Variants in ATP8A1 observed in about 807,000 individuals in gnomAD.
The protein encoded by ATP8A1 is ATPase phospholipid transporting 8A1.
Under a neutral mutation model 177.7 loss-of-function variants are expected in ATP8A1, and 90 were observed. That is an observed-to-expected ratio of 0.51 (90% CI 0.43 to 0.60). The LOEUF (loss-of-function observed/expected upper bound fraction) is 0.60, where lower values mean the gene tolerates loss of function less well. Among genes scored for constraint, ATP8A1 ranks in the 20% least tolerant of loss-of-function variants. The probability of loss-of-function intolerance (pLI) is 0.00; values close to 1 mark genes in which losing one functional copy is unlikely to be tolerated. For synonymous variants in ATP8A1, 493 were observed against 485.9 expected (o/e 1.01, Z -0.19); for missense variants, 1,072 against 1,392.8 (o/e 0.77, Z 3.67).
intron 16 of ATP8A1, among the ~76,000 whole-genome samples, chr4:42,553,790 A>G (rs1461040032): frequency 6.6e-6 from 1 of 152,204 alleles, no homozygotes; most frequent in African/African-American, 2.4e-5. Flanking sequence ...TTGTTTACTT[A>G]TAGCAAGACA....
At chr4:42,504,455 G>A (rs888101576) in intron 23 of ATP8A1, among the ~76,000 whole-genome samples, 4 of 152,190 alleles carry the variant, frequency 2.6e-5, no homozygotes, top group African/African-American at 7.2e-5. Flanking sequence ...CAAAAACCTC[G>A]AAGTTACCTG....
chr4:42,493,132 A>G (rs963082364), intron 24 of ATP8A1, among the ~76,000 whole-genome samples: 11 of 152,188 alleles, frequency 7.2e-5, no homozygotes, highest in African/African-American at 2.7e-4. Flanking sequence ...GAGATGTGAG[A>G]AAGTCCAGGC....
At chr4:42,435,849 A>G (rs1715934446) in intron 33 of ATP8A1, among the ~76,000 whole-genome samples, 1 of 152,050 alleles carries the variant, frequency 6.6e-6, no homozygotes, top group Non-Finnish European at 1.5e-5. Flanking sequence ...ACCCATTATA[A>G]TCCTGTCCCC....
intron 1 of ATP8A1, among the ~76,000 whole-genome samples, chr4:42,647,706 T>C (rs1740681057): frequency 6.6e-6 from 1 of 152,060 alleles, no homozygotes; most frequent in South Asian, 2.1e-4. Flanking sequence ...TAAATGCTGA[T>C]TTGTAAGTAG....
chr4:42,463,848 A>G (rs765618743), intron 27 of ATP8A1, among the ~76,000 whole-genome samples: 2 of 152,230 alleles, frequency 1.3e-5, no homozygotes, highest in Non-Finnish European at 2.9e-5. Context: ...ACAAAAACAG[A>G]TCTGGATAGA....
chr4:42,564,155 T>A (rs1368543959), intron 15 of ATP8A1, among the ~76,000 whole-genome samples: 2 of 152,120 alleles, frequency 1.3e-5, no homozygotes, highest in Non-Finnish European at 2.9e-5. Context: ...AGAAGATGTA[T>A]GAAAATGCCT....
intron 20 of ATP8A1, among the ~76,000 whole-genome samples, chr4:42,539,973 T>C (rs956423667): frequency 2.0e-5 from 3 of 151,946 alleles, no homozygotes; most frequent in African/African-American, 7.3e-5. Flanking sequence ...CTAAAAAGCA[T>C]AGCAAAAGAA....
chr4:42,590,528 T>G (rs78710068), intron 7 of ATP8A1, among the ~76,000 whole-genome samples: 1,561 of 152,260 alleles, frequency 0.01, 28 homozygotes, highest in African/African-American at 0.034. Flanking sequence ...GAATATATAT[T>G]AATGGTGCAC....
chr4:42,545,105 A>G (rs1367605637), intron 19 of ATP8A1, among the ~76,000 whole-genome samples: 2 of 151,026 alleles, frequency 1.3e-5, no homozygotes, highest in Non-Finnish European at 2.9e-5. Context: ...GGTTGCAGTG[A>G]ACCGAGATTG....
At chr4:42,561,024 T>C (rs1730764048) in intron 15 of ATP8A1, among the ~76,000 whole-genome samples, 1 of 152,158 alleles carries the variant, frequency 6.6e-6, no homozygotes, top group Non-Finnish European at 1.5e-5. Context: ...ATTAAGATCA[T>C]TTTTCTCATA....
intron 1 of ATP8A1, among the ~76,000 whole-genome samples, chr4:42,644,510 A>G (rs1193026538): frequency 6.6e-6 from 1 of 152,248 alleles, no homozygotes; most frequent in African/African-American, 2.4e-5. Flanking sequence ...TTATCACCTA[A>G]TAAAAGGAAA....
At chr4:42,649,666 T>C (rs546323958) in intron 1 of ATP8A1, among the ~76,000 whole-genome samples, 78 of 152,252 alleles carry the variant, frequency 5.1e-4, no homozygotes, top group Non-Finnish European at 8.4e-4. Flanking sequence ...GAGTGGTGGC[T>C]ATGTGGCAGA....
At chr4:42,524,687 T>C (rs1726497462) in intron 21 of ATP8A1, 76 bp downstream of exon 21, 2 of 904,584 alleles carry the variant, frequency 2.2e-6, no homozygotes, top group African/African-American at 1.7e-5. Flanking sequence ...CTAATAATAA[T>C]AAGGATCCTG....
intron 13 of ATP8A1, among the ~76,000 whole-genome samples, 190 bp downstream of exon 13, chr4:42,575,432 T>C (rs1371188211): frequency 6.6e-6 from 1 of 152,230 alleles, no homozygotes; most frequent in Non-Finnish European, 1.5e-5. Context: ...GAGCAAAATC[T>C]CCTTGAGACA....
intron 20 of ATP8A1, among the ~76,000 whole-genome samples, chr4:42,540,722 C>T (rs745661876): frequency 1.4e-5 from 2 of 146,740 alleles, no homozygotes; most frequent in African/African-American, 2.6e-5. Flanking sequence ...TATGTGAGAG[C>T]TAAAAAAAAT....
intron 24 of ATP8A1, among the ~76,000 whole-genome samples, chr4:42,496,812 A>C (rs943706600): frequency 1.3e-5 from 2 of 149,476 alleles, no homozygotes; most frequent in African/African-American, 2.5e-5. Context: ...ACCCCCCCCC[A>C]CACATATATA....
intron 1 of ATP8A1, among the ~76,000 whole-genome samples, chr4:42,631,892 T>C (rs1282477023): frequency 2.0e-5 from 3 of 152,106 alleles, no homozygotes; most frequent in East Asian, 3.9e-4. Context: ...GTTGGAGACA[T>C]CTCAAAATGG....
At chr4:42,643,805 A>C (rs1227654353) in intron 1 of ATP8A1, among the ~76,000 whole-genome samples, 2 of 152,202 alleles carry the variant, frequency 1.3e-5, no homozygotes, top group Non-Finnish European at 2.9e-5. Flanking sequence ...GGAGTCTCAC[A>C]GAGGTTAAGT....
intron 6 of ATP8A1, among the ~76,000 whole-genome samples, chr4:42,596,234 T>A (rs1734698726): frequency 1.3e-5 from 2 of 152,188 alleles, no homozygotes; most frequent in African/African-American, 4.8e-5. Flanking sequence ...ATAAAGCAAT[T>A]TTAGTCCCCA....
Sources: gnomAD v4.1 joint callset for allele counts (sites outside exome capture counted in the v4.1 genomes callset) on GRCh38, gnomAD v4.1.1 for gene constraint, MANE v1.5 for transcripts, NCBI Gene and HGNC (gene_info 2026-07-23, HGNC 2026-07-21) for gene names.